Variants in MDGA1 observed in about 807,000 individuals in gnomAD.
MDGA1 encodes MAM domain containing glycosylphosphatidylinositol anchor 1, also known as MAM domain-containing glycosylphosphatidylinositol anchor protein 1.
In MDGA1, 54 loss-of-function variants were observed where a neutral mutation model predicts 101.5. The observed-to-expected ratio is 0.53, with a 90% CI of 0.43 to 0.67. The LOEUF is 0.67. Among genes scored for constraint, MDGA1 ranks in the 30% least tolerant of loss-of-function variants. MDGA1 has a pLI of 0.00. For synonymous variants in MDGA1, 533 were observed against 558.3 expected (o/e 0.95, Z 0.64); for missense variants, 1,083 against 1,323.8 (o/e 0.82, Z 2.82).
intron 7 of MDGA1, among the ~76,000 whole-genome samples, chr6:37,651,717 G>C (rs1360522327): frequency 2.0e-5 from 3 of 152,112 alleles, no homozygotes; most frequent in Non-Finnish European, 4.4e-5. Flanking sequence ...CTCTTTCCAG[G>C]CTCTCATGTA....
At chr6:37,678,390 G>C (rs1762025387) in intron 1 of MDGA1, among the ~76,000 whole-genome samples, 1 of 152,086 alleles carries the variant, frequency 6.6e-6, no homozygotes, top group Non-Finnish European at 1.5e-5. Flanking sequence ...TGCCTGGCTT[G>C]TGACAGCAGC....
Position 37,651,034 on chromosome 6 carries a change from A to G in MDGA1, c.1313-629T>C, listed in dbSNP as rs528077596. Among the ~76,000 whole-genome samples, 5 of 152,362 alleles carry G rather than the reference A, an allele frequency of 3.3e-5. No homozygotes were observed. The South Asian group carries it at 6.2e-4, about 19-fold the overall frequency. Reference sequence around the variant, plus strand: ...AATGCAGAATAATGGCTGCAGCTGGAACTGCCATCATGGGCAACGTGGCAC... The same window carrying G: ...AATGCAGAATAATGGCTGCAGCTGGGACTGCCATCATGGGCAACGTGGCAC... On this transcript the variant is annotated intron_variant, in intron 7 of 16. Coordinates refer to ENST00000434837, the MANE Select transcript of MDGA1 (RefSeq NM_153487.4).
intron 3 of MDGA1, among the ~76,000 whole-genome samples, chr6:37,657,928 G>A (rs1033592427): frequency 4.8e-5 from 7 of 144,988 alleles, no homozygotes; most frequent in Admixed American, 4.1e-4. Context: ...TCTCAGCTCT[G>A]AGGCTACCCC....
chr6:37,655,164 C>T lies in MDGA1; in HGVS notation c.580-232G>A, dbSNP rs190184643. 3.5e-6 allele frequency: 2 copies of T among 579,638 alleles called. No individual in the cohort carries two copies. The highest frequency in any genetic ancestry group is 3.7e-5 in the African/African-American group (2 of 53,626). 35.9% of individuals were successfully genotyped at this position (579,638 alleles called of 1,614,324 possible). ...TGGGATTCTCTGGGTCTGAGGTTGC[C>T]CTTGTGCACACTGGCAAGTACCAGG... On this transcript the variant is annotated intron_variant, in intron 4 of 16. Coordinates refer to ENST00000434837, the MANE Select transcript of MDGA1 (RefSeq NM_153487.4). The surrounding 1 kb of genome is among the most constrained non-coding windows in gnomAD (Gnocchi z 5.1).
intron 12 of MDGA1, among the ~76,000 whole-genome samples, chr6:37,644,913 GA>G (rs1243658674): frequency 1.3e-5 from 2 of 152,210 alleles, no homozygotes; most frequent in South Asian, 2.1e-4. Flanking sequence ...CACATAAAAT[GA>G]AATGTATAGG....
rs748889571 is a variant in MDGA1 at position 37,638,133 on chromosome 6, CAACA to C, written c.2776+68_2776+71del. ...CTATTCAGACCCAAACACCCTCCCTCAACAGACAGGAACCCCCGCCACGCACAGC... is the reference window on the plus strand; with the variant it reads ...CTATTCAGACCCAAACACCCTCCCTCGACAGGAACCCCCGCCACGCACAGC... On this transcript the variant is annotated intron_variant, in intron 16 of 16. Coordinates refer to ENST00000434837, the MANE Select transcript of MDGA1 (RefSeq NM_153487.4). This position sits in a 1 kb window ranked among gnomAD's most constrained non-coding sequence, Gnocchi z 4.8. 24 of 1,294,802 alleles carry C rather than the reference CAACA, an allele frequency of 1.9e-5. No homozygotes were observed. The highest frequency in any genetic ancestry group is 2.6e-5 in the Non-Finnish European group (23 of 898,730). The allele number at this position is 1,294,802 out of a possible 1,614,324, so 80.2% of individuals were successfully genotyped here. A position where few individuals can be genotyped will look rare whatever the true frequency, so the allele number is the denominator to read the frequency against.
At position 37,647,174 on chromosome 6, in the gene MDGA1, T is replaced by C. The variant is rs1054553795; in HGVS notation, c.2045A>G (p.Gln682Arg). 2 of 1,592,864 alleles carry C rather than the reference T, an allele frequency of 1.3e-6. No individual in the cohort carries two copies. Among genetic ancestry groups the C allele is most frequent in the African/African-American group, 1.3e-5 (1 of 74,696 alleles). The stretch of plus-strand genomic sequence containing the variant: ...GGCCCCCGCTCCCCCTTGGCCCACC[T>C]GGCGGATGCTGAGTCTGTAGTTGAG... ...PVLNYRLSIR[Q>R]LNQHNAVVKA... Residue 682 changes from glutamine (Q) to arginine (R), a missense_variant and splice_region_variant, in exon 10 of 17, where the codon CAG (glutamine) becomes CGG (arginine). Physicochemically the swap from Gln to Arg is conservative, Grantham distance 43 (BLOSUM62 1). This residue lies in a region of MDGA1 where 657 missense variants were observed against 771.4 expected (regional missense o/e 0.85). Transcript: ENST00000434837.
intron 1 of MDGA1, among the ~76,000 whole-genome samples, chr6:37,683,298 G>C (rs556348301): frequency 1.3e-5 from 2 of 152,336 alleles, no homozygotes; most frequent in South Asian, 2.1e-4. Context: ...AGGTCTGGTG[G>C]CTGCAGGCAA....
In MDGA1 at chr6:37,644,518, C is replaced by A; in HGVS notation, c.2380G>T (p.Asp794Tyr). Reference protein sequence around the residue: ...KRSPNTGPPTDISGTPEGYYM... With the variant: ...KRSPNTGPPTYISGTPEGYYM... ...TCACCCTCAGGGGTGCCACTTATGT[C>A]GGTGGGGGGACCAGTGTTGGGGGAG... The change falls in exon 13 of 17, where the codon GAC (aspartate) becomes TAC (tyrosine). Residue 794 changes from aspartate to tyrosine, a missense_variant. Physicochemically the swap from Asp to Tyr is radical, Grantham distance 160. Coordinates refer to ENST00000434837, the MANE Select transcript of MDGA1 (RefSeq NM_153487.4). 1 of 1,588,656 alleles carries A rather than the reference C, an allele frequency of 6.3e-7. No homozygotes were observed. Among genetic ancestry groups the A allele is most frequent in the Non-Finnish European group, 8.6e-7 (1 of 1,167,788 alleles).
At chr6:37,690,314 C>G (rs1442702126) in intron 1 of MDGA1, among the ~76,000 whole-genome samples, 1 of 152,228 alleles carries the variant, frequency 6.6e-6, no homozygotes, top group East Asian at 1.9e-4. Flanking sequence ...ATCAACCCAG[C>G]TCCCTGTTTG....
Position 37,638,446 on chromosome 6 carries a change from C to A in MDGA1, c.2667+91G>T, listed in dbSNP as rs1207725586. On this transcript the variant is annotated intron_variant, in intron 15 of 16. Coordinates refer to ENST00000434837, the MANE Select transcript of MDGA1 (RefSeq NM_153487.4). The surrounding 1 kb of genome is among the most constrained non-coding windows in gnomAD (Gnocchi z 4.8). ...TAACCTGACTCTTTCCATCCTTAGC[C>A]CCCAGGAAGAAGGACAAGGTTTTCC... 7.9e-5 allele frequency: 125 copies of A among 1,580,654 alleles called. No individual in the cohort carries two copies. The highest frequency in any genetic ancestry group is 9.9e-5 in the Non-Finnish European group (115 of 1,158,684).
chr6:37,667,033 A>T (rs1234256221), intron 1 of MDGA1, among the ~76,000 whole-genome samples: 1 of 152,136 alleles, frequency 6.6e-6, no homozygotes, highest in Admixed American at 6.5e-5. Flanking sequence ...AAAAATGCTT[A>T]GTAGAGTCGT....
At chr6:37,662,227 T>C (rs1761641805) in intron 2 of MDGA1, among the ~76,000 whole-genome samples, 1 of 150,326 alleles carries the variant, frequency 6.7e-6, no homozygotes, top group African/African-American at 2.5e-5. Flanking sequence ...GTTTAGAGTC[T>C]ACTGCAACGG....
In MDGA1 at chr6:37,654,852, G is replaced by A. The variant is rs774644920; in HGVS notation, c.660C>T (p.Asn220=). The A allele has an allele frequency of 1.4e-5, 22 of 1,613,676 alleles. No homozygotes were observed. The highest frequency in any genetic ancestry group is 1.3e-4 in the South Asian group (12 of 91,072). ...TGGCCTTGTCTGGGATGCCGCACAC[G>A]TTACGCACAGACACCTGGCAGGTGT... The part of the protein sequence containing the change: ...ASYTCQVSVR[N]VCGIPDKAIT... Residue 220 remains asparagine, a synonymous_variant, in exon 5 of 17, where the codon AAC becomes AAT. Transcript: ENST00000434837.
chr6:37,650,245 CA>C lies in MDGA1; in HGVS notation c.1472del (p.Leu491ArgfsTer14), dbSNP rs1164005079. The C allele has an allele frequency of 6.2e-7, 1 of 1,610,592 alleles. No homozygotes were observed. Among genetic ancestry groups the C allele is most frequent in the Admixed American group, 1.7e-5 (1 of 59,818 alleles). ...EAALLPSGLP[L>X]EETPDGKLRL... is the part of the protein sequence containing the mutation. ...GCAGCTTCCCGTCCGGAGTCTCCTC[CA>C]GGGGCAGCCCCGAGGGCAGCAGTGC... is the stretch of plus-strand genomic sequence containing the variant. On this transcript the variant is annotated frameshift_variant, in exon 8 of 17. Coordinates refer to ENST00000434837, the MANE Select transcript of MDGA1 (RefSeq NM_153487.4). LOFTEE classifies it high-confidence loss of function.
chr6:37,654,189 C>T, intron 6 of MDGA1, 85 bp downstream of exon 6: 20 of 1,428,572 alleles, frequency 1.4e-5, no homozygotes, highest in Non-Finnish European at 1.9e-5. Context: ...AGACAGGCCC[C>T]TTTCCTAGTT....
At chr6:37,659,114 G>A (rs1761563913) in intron 2 of MDGA1, among the ~76,000 whole-genome samples, 1 of 152,154 alleles carries the variant, frequency 6.6e-6, no homozygotes, top group Non-Finnish European at 1.5e-5. Context: ...GAGTTAGCTT[G>A]GAAGTAGATC....
intron 1 of MDGA1, among the ~76,000 whole-genome samples, chr6:37,669,946 G>C (rs1471012335): frequency 6.6e-6 from 1 of 152,136 alleles, no homozygotes; most frequent in Non-Finnish European, 1.5e-5. Context: ...ATGATGACTC[G>C]AAAACAGGGA....
Position 37,644,599 on chromosome 6 carries a change from G to A in MDGA1, c.2299C>T (p.Leu767=). 6.2e-7 allele frequency: 1 copy of A among 1,608,008 alleles called. No homozygotes were observed. Among genetic ancestry groups the A allele is most frequent in the Non-Finnish European group, 8.5e-7 (1 of 1,177,254 alleles). The change falls in exon 13 of 17, where the codon CTG becomes TTG. Residue 767 remains leucine (L), a synonymous_variant. Transcript: ENST00000434837. ...CGCGTCCAGTCAAAGTTGTCTGTCA[G>A]GTCCTGGGTATAGCCACAGATCTTC... ...DEKICGYTQD[L]TDNFDWTRQN...
Sources: allele counts gnomAD v4.1 joint callset (sites outside exome capture counted in the v4.1 genomes callset), GRCh38; gene constraint gnomAD v4.1.1; regional missense constraint gnomAD v4.1.1; non-coding constraint Gnocchi (gnomAD v3.1); transcripts MANE v1.5; gene names NCBI Gene and HGNC (gene_info 2026-07-23, HGNC 2026-07-21).